Variants in ZHX2 observed in about 807,000 individuals in gnomAD.
The protein encoded by ZHX2 is zinc fingers and homeoboxes protein 2.
A neutral mutation model predicts 21.9 loss-of-function variants in ZHX2; 6 were observed. The observed-to-expected ratio is 0.27, with a 90% CI of 0.15 to 0.54. The LOEUF is 0.54. Ranked by LOEUF, ZHX2 falls within the 20% of genes least tolerant of loss-of-function variation. ZHX2 has a pLI of 0.95. For missense variants in ZHX2, 908 were observed against 1,090.7 expected, an observed-to-expected ratio of 0.83 and a Z score of 2.36; for synonymous variants, 434 against 437.1, an observed-to-expected ratio of 0.99 and a Z score of 0.09.
Position 122,789,264 on chromosome 8 carries a change from G to T in ZHX2, c.-283+7318G>T, listed in dbSNP as rs112771745. On this transcript the variant is annotated intron_variant, in intron 1 of 3. Transcript: ENST00000314393. ...GCCTATGGCTCTCCCCAGCTGCAGA[G>T]CCATTTAGTTAAATAGCACACAGAA... 3.2e-4 allele frequency among the ~76,000 whole-genome samples: 49 copies of T among 152,278 alleles called. 1 individual carries two copies. Among genetic ancestry groups the T allele is most frequent in the Middle Eastern group, 3.4e-3 (1 of 294 alleles).
rs926709375 is a variant in ZHX2 at position 122,782,192 on chromosome 8, T to C, written c.-283+246T>C. Among the ~76,000 whole-genome samples the C allele has an allele frequency of 6.9e-5, 10 of 145,586 alleles. No homozygotes were observed. The highest frequency in any genetic ancestry group is 1.0e-4 in the Non-Finnish European group (7 of 67,020). On this transcript the variant is annotated intron_variant, in intron 1 of 3. Transcript: ENST00000314393. The surrounding 1 kb of genome is among the most constrained non-coding windows in gnomAD (Gnocchi z 5.3). ...GAGCGGATACAGAGAGGGAAGAAGA[T>C]TTTTTTTTTAAGAGTTTTGATTACA... is the stretch of plus-strand genomic sequence containing the variant.
At chr8:122,935,570 C>T (rs376138031) in intron 2 of ZHX2, among the ~76,000 whole-genome samples, 2 of 144,586 alleles carry the variant, frequency 1.4e-5, no homozygotes, top group Non-Finnish European at 3.0e-5. Context: ...GAGTCTCACT[C>T]TGTCACCCAG....
At chr8:122,822,722 T>C (rs1818179800) in intron 1 of ZHX2, among the ~76,000 whole-genome samples, 1 of 152,194 alleles carries the variant, frequency 6.6e-6, no homozygotes, top group African/African-American at 2.4e-5. Flanking sequence ...ATTGACTTCT[T>C]GCCGGGTGAA....
At chr8:122,857,328 G>T (rs1222169676) in intron 1 of ZHX2, among the ~76,000 whole-genome samples, 1 of 150,170 alleles carries the variant, frequency 6.7e-6, no homozygotes, top group African/African-American at 2.5e-5. Flanking sequence ...CAAAATAGAT[G>T]CTGCCCTTGG....
intron 2 of ZHX2, among the ~76,000 whole-genome samples, chr8:122,933,787 G>A (rs1812608950): frequency 6.6e-6 from 1 of 152,146 alleles, no homozygotes; most frequent in Non-Finnish European, 1.5e-5. Context: ...CCTGGCTCAG[G>A]GTGTAGAGTC....
intron 2 of ZHX2, among the ~76,000 whole-genome samples, chr8:122,921,949 G>A (rs758706012): frequency 1.3e-5 from 2 of 152,090 alleles, no homozygotes; most frequent in Non-Finnish European, 2.9e-5. Context: ...AAAGAGAATT[G>A]AAGAAAAAGA....
intron 2 of ZHX2, among the ~76,000 whole-genome samples, chr8:122,930,052 TGTAATGAA>T (rs1820946804): frequency 6.6e-6 from 1 of 152,106 alleles, no homozygotes; most frequent in Non-Finnish European, 1.5e-5. Flanking sequence ...ACAGAGCGGG[TGTAATGAA>T]GGCTCTGAGA....
chr8:122,967,307 G>C (rs1292406970), intron 3 of ZHX2, among the ~76,000 whole-genome samples: 1 of 152,170 alleles, frequency 6.6e-6, no homozygotes, highest in African/African-American at 2.4e-5. Context: ...GAACTCAAGG[G>C]CTGCTGTTCA....
At chr8:122,867,460 C>A (rs909471853) in intron 2 of ZHX2, among the ~76,000 whole-genome samples, 1 of 152,212 alleles carries the variant, frequency 6.6e-6, no homozygotes, top group African/African-American at 2.4e-5. Context: ...ACTCTCTTTG[C>A]ATGCTTAGGA....
At chr8:122,931,398 G>A (rs976894752) in intron 2 of ZHX2, among the ~76,000 whole-genome samples, 4 of 152,166 alleles carry the variant, frequency 2.6e-5, no homozygotes, top group African/African-American at 7.2e-5. Context: ...AAGACAGGAC[G>A]GAAAGAAGAG....
In ZHX2 at chr8:122,785,585, G is replaced by C. The variant is rs187500211; in HGVS notation, c.-283+3639G>C. Among the ~76,000 whole-genome samples, 548 of 152,374 alleles carry C rather than the reference G, an allele frequency of 3.6e-3. 3 individuals are homozygous for C. The highest frequency in any genetic ancestry group is 0.013 in the African/African-American group (526 of 41,590). ...TTCTGTCTTTAGCTCATTGACCAGAGCTGTGCCACATGGTGACTACTGCCA... is the reference window on the plus strand; with the variant it reads ...TTCTGTCTTTAGCTCATTGACCAGACCTGTGCCACATGGTGACTACTGCCA... On this transcript the variant is annotated intron_variant, in intron 1 of 3. Coordinates refer to ENST00000314393, the MANE Select transcript of ZHX2 (RefSeq NM_014943.5).
At chr8:122,917,504 G>C (rs1820634052) in intron 2 of ZHX2, among the ~76,000 whole-genome samples, 1 of 152,122 alleles carries the variant, frequency 6.6e-6, no homozygotes, top group Non-Finnish European at 1.5e-5. Context: ...TAGCAGTGCT[G>C]CCTCACACAG....
At chr8:122,838,347 A>T (rs1450982399) in intron 1 of ZHX2, among the ~76,000 whole-genome samples, 1 of 152,186 alleles carries the variant, frequency 6.6e-6, no homozygotes, top group Non-Finnish European at 1.5e-5. Flanking sequence ...AGAGAAACTC[A>T]TTACATGTTC....
intron 1 of ZHX2, among the ~76,000 whole-genome samples, chr8:122,826,328 T>C (rs1397035378): frequency 6.6e-6 from 1 of 152,232 alleles, no homozygotes; most frequent in Admixed American, 6.5e-5. Flanking sequence ...CTGCCTGCCA[T>C]GCCCTCAGCC....
intron 3 of ZHX2, among the ~76,000 whole-genome samples, chr8:122,971,717 T>C (rs965073052): frequency 1.3e-5 from 2 of 151,672 alleles, no homozygotes; most frequent in Non-Finnish European, 2.9e-5. Context: ...CCTACAGATC[T>C]GAAAAACTTC....
rs139010855 is a variant in ZHX2 at position 122,836,460 on chromosome 8, A to G, written c.-282-27017A>G. ...CTCCCCGGTTTTGGCACCTGACTTA[A>G]GGTTCTTGTATCGGTTCGAACCCGG... On this transcript the variant is annotated intron_variant, in intron 1 of 3. Coordinates refer to ENST00000314393, the MANE Select transcript of ZHX2 (RefSeq NM_014943.5). 1.5e-3 allele frequency among the ~76,000 whole-genome samples: 236 copies of G among 152,302 alleles called. 1 individual carries two copies. Among genetic ancestry groups the G allele is most frequent in the African/African-American group, 5.5e-3 (227 of 41,568 alleles).
chr8:122,895,539 C>T (rs1197973420), intron 2 of ZHX2, among the ~76,000 whole-genome samples: 1 of 152,196 alleles, frequency 6.6e-6, no homozygotes, highest in Non-Finnish European at 1.5e-5. Context: ...CACCCTGTGG[C>T]ACTTTTTTCT....
chr8:122,824,257 T>C (rs1269278591), intron 1 of ZHX2, among the ~76,000 whole-genome samples: 1 of 152,206 alleles, frequency 6.6e-6, no homozygotes, highest in African/African-American at 2.4e-5. Flanking sequence ...CTTGTGTACT[T>C]ATAAGTTCAC....
intron 2 of ZHX2, among the ~76,000 whole-genome samples, chr8:122,918,930 G>A (rs1178668946): frequency 3.4e-5 from 5 of 148,008 alleles, no homozygotes; most frequent in East Asian, 2.0e-4. Context: ...ACTGGTGACC[G>A]AGCAAGACTC....
Sources: allele counts gnomAD v4.1 joint callset (sites outside exome capture counted in the v4.1 genomes callset), GRCh38; gene constraint gnomAD v4.1.1; non-coding constraint Gnocchi (gnomAD v3.1); transcripts MANE v1.5; gene names NCBI Gene and HGNC (gene_info 2026-07-23, HGNC 2026-07-21).